Variants in PARD3B observed in about 807,000 individuals in gnomAD.
PARD3B encodes par-3 family cell polarity regulator beta, also known as partitioning defective 3 homolog B.
In PARD3B, 103 loss-of-function variants were observed where a neutral mutation model predicts 130.2. The ratio of observed to expected loss-of-function variants is 0.79; its 90% CI spans 0.67 to 0.93. The LOEUF is 0.93. PARD3B is among the 40% of genes least tolerant of loss of function. The probability of loss-of-function intolerance (pLI) is 0.00; values close to 1 mark genes in which losing one functional copy is unlikely to be tolerated. For missense variants in PARD3B, 1,609 were observed against 1,499.2 expected (o/e 1.07, Z -1.21); for synonymous variants, 583 against 553.2 (o/e 1.05, Z -0.76).
intron 1 of PARD3B, among the ~76,000 whole-genome samples, chr2:204,674,857 G>A (rs1031159991): frequency 1.3e-5 from 2 of 152,146 alleles, no homozygotes; most frequent in African/African-American, 2.4e-5. Flanking sequence ...AGATGCCAAC[G>A]TTATAGCACC....
intron 15 of PARD3B, among the ~76,000 whole-genome samples, chr2:205,238,849 A>AAAAATATATATATAT (rs1273582854): frequency 7.8e-5 from 6 of 76,900 alleles, no homozygotes; most frequent in African/African-American, 2.1e-4. Flanking sequence ...AAAAAAAAAA[A>AAAAATATATATATAT]ATATATATAT....
At chr2:204,960,560 A>T (rs907483607) in intron 2 of PARD3B, among the ~76,000 whole-genome samples, 38 of 114,658 alleles carry the variant, frequency 3.3e-4, no homozygotes, top group South Asian at 1.0e-3. Flanking sequence ...TTAATTTTTT[A>T]AAAAAATATT....
chr2:205,297,826 C>T (rs1574629054), intron 16 of PARD3B, among the ~76,000 whole-genome samples: 1 of 152,158 alleles, frequency 6.6e-6, no homozygotes, highest in East Asian at 1.9e-4. Context: ...GTATTACATC[C>T]AATAGAGTTA....
chr2:205,171,549 A>C (rs1476237025), intron 11 of PARD3B, among the ~76,000 whole-genome samples: 1 of 152,216 alleles, frequency 6.6e-6, no homozygotes, highest in Non-Finnish European at 1.5e-5. Flanking sequence ...GAAAGTACTC[A>C]TTCATCAGAG....
In PARD3B at chr2:205,271,185, A is replaced by G. The variant is rs568177960; in HGVS notation, c.2185+25363A>G. Reference sequence around the variant, plus strand: ...AAAACAAGCAGAGAAGAAAAAAATCATACTCTTAAGGATTTCAGAAGCTAG... The same window carrying G: ...AAAACAAGCAGAGAAGAAAAAAATCGTACTCTTAAGGATTTCAGAAGCTAG... On this transcript the variant is annotated intron_variant, in intron 16 of 22. Coordinates refer to ENST00000406610, the MANE Select transcript of PARD3B (RefSeq NM_001302769.2). Among the ~76,000 whole-genome samples the G allele has an allele frequency of 1.2e-3, 180 of 152,344 alleles. 1 individual carries two copies. Among genetic ancestry groups the G allele is most frequent in the Non-Finnish European group, 2.2e-3 (152 of 68,034 alleles).
intron 3 of PARD3B, among the ~76,000 whole-genome samples, chr2:205,041,322 G>A (rs1698385499): frequency 6.6e-6 from 1 of 152,140 alleles, no homozygotes; most frequent in African/African-American, 2.4e-5. Context: ...GTGGGCTGAA[G>A]CCAAGATTTG....
chr2:205,148,103 A>G (rs1172636342), intron 10 of PARD3B, among the ~76,000 whole-genome samples: 1 of 152,084 alleles, frequency 6.6e-6, no homozygotes, highest in Non-Finnish European at 1.5e-5. Context: ...TCTAGACTAT[A>G]TAGTCCATAT....
At chr2:204,998,566 TG>T (rs1694548092) in intron 3 of PARD3B, among the ~76,000 whole-genome samples, 1 of 144,958 alleles carries the variant, frequency 6.9e-6, no homozygotes, top group African/African-American at 2.6e-5. Flanking sequence ...AGAGAAGAAA[TG>T]AAAAACTTTT....
intron 2 of PARD3B, among the ~76,000 whole-genome samples, chr2:204,873,481 G>A (rs527307011): frequency 9.9e-5 from 15 of 152,138 alleles, no homozygotes; most frequent in African/African-American, 1.4e-4. Flanking sequence ...TCACCCATCC[G>A]CAGGACTTTC....
intron 20 of PARD3B, among the ~76,000 whole-genome samples, chr2:205,472,667 C>T (rs534909915): frequency 6.6e-6 from 1 of 152,050 alleles, no homozygotes; most frequent in Non-Finnish European, 1.5e-5. Context: ...AAACAGAAGC[C>T]AAATAGGGTA....
intron 18 of PARD3B, among the ~76,000 whole-genome samples, chr2:205,327,344 T>G (rs1211251000): frequency 2.0e-5 from 3 of 152,232 alleles, no homozygotes. Flanking sequence ...CTACCTAAGA[T>G]TGTGCTGGTC....
At chr2:205,168,318 A>AGTGT (rs1429954131) in intron 11 of PARD3B, among the ~76,000 whole-genome samples, 3 of 122,368 alleles carry the variant, frequency 2.5e-5, no homozygotes, top group South Asian at 5.0e-4. Flanking sequence ...AGAGAGAGAG[A>AGTGT]GAGTGTGTGT....
chr2:204,964,801 C>T (rs1481688184), intron 2 of PARD3B, among the ~76,000 whole-genome samples: 3 of 152,052 alleles, frequency 2.0e-5, no homozygotes, highest in Non-Finnish European at 1.5e-5. Context: ...TTTGGAAGCA[C>T]TCTTTAATAA....
rs1315813604 is a variant in PARD3B, at chr2:205,241,147, G to A, written c.2141-4631G>A. ...TACAACCATGAGAATTAGAAACATAGGCCATCAGGCTGCTGTTTCTCAAAC... is the reference window on the plus strand; with the variant it reads ...TACAACCATGAGAATTAGAAACATAAGCCATCAGGCTGCTGTTTCTCAAAC... On this transcript the variant is annotated intron_variant, in intron 15 of 22. Transcript: ENST00000406610. This position sits in a 1 kb window ranked among gnomAD's most constrained non-coding sequence, Gnocchi z 4.2. Among the ~76,000 whole-genome samples the A allele has an allele frequency of 1.3e-5, 2 of 152,094 alleles. No individual in the cohort carries two copies. Among genetic ancestry groups the A allele is most frequent in the East Asian group, 3.8e-4 (2 of 5,198 alleles).
intron 2 of PARD3B, among the ~76,000 whole-genome samples, chr2:204,716,552 T>C (rs1296203563): frequency 6.6e-6 from 1 of 151,028 alleles, no homozygotes; most frequent in Non-Finnish European, 1.5e-5. Context: ...GGACTGTATG[T>C]AAAATTATTG....
intron 4 of PARD3B, among the ~76,000 whole-genome samples, chr2:205,092,431 G>A (rs1702163058): frequency 6.6e-6 from 1 of 152,160 alleles, no homozygotes; most frequent in South Asian, 2.1e-4. Flanking sequence ...CAAGGTAGCA[G>A]AGACAATACT....
Position 205,405,448 on chromosome 2 carries a change from T to A in PARD3B, c.2741+4325T>A, listed in dbSNP as rs1012764313. On this transcript the variant is annotated intron_variant, in intron 19 of 22. Transcript: ENST00000406610. This position sits in a 1 kb window ranked among gnomAD's most constrained non-coding sequence, Gnocchi z 4.1. ...CCAGGCTTCACAAAGAGCAAGGTAC[T>A]CTCCTAGACATCAGAATTGCATTGT... Among the ~76,000 whole-genome samples, 9 of 152,102 alleles carry A rather than the reference T, an allele frequency of 5.9e-5. No homozygotes were observed. Among genetic ancestry groups the A allele is most frequent in the African/African-American group, 2.2e-4 (9 of 41,420 alleles).
chr2:205,499,788 A>G, intron 20 of PARD3B, 108 bp from the exon 21 acceptor site: 1 of 1,231,056 alleles, frequency 8.1e-7, no homozygotes, highest in Middle Eastern at 2.7e-4. Flanking sequence ...GAATTACATT[A>G]TTGAATCTTC....
chr2:205,248,312 C>G (rs72940321), intron 16 of PARD3B, among the ~76,000 whole-genome samples: 8,503 of 151,176 alleles, frequency 0.056, 341 homozygotes, highest in East Asian at 0.2. Flanking sequence ...CTCAGGAACT[C>G]ACCCCTCACA....
Sources: allele counts gnomAD v4.1 joint callset (sites outside exome capture counted in the v4.1 genomes callset), GRCh38; gene constraint gnomAD v4.1.1; non-coding constraint Gnocchi (gnomAD v3.1); transcripts MANE v1.5; gene names NCBI Gene and HGNC (gene_info 2026-07-23, HGNC 2026-07-21).